SLIT3: variants seen among roughly 807,000 people sequenced by gnomAD.
The protein encoded by SLIT3 is slit homolog 3 protein.
A neutral mutation model predicts 184.0 loss-of-function variants in SLIT3; 68 were observed. The ratio of observed to expected loss-of-function variants is 0.37; its 90% CI spans 0.30 to 0.45. SLIT3 has a LOEUF of 0.45. SLIT3 is among the 20% of genes least tolerant of loss of function. SLIT3 has a pLI of 1.00. For synonymous variants in SLIT3, 831 were observed against 828.6 expected (o/e 1.00, Z -0.05); for missense variants, 1,707 against 2,026.0 (o/e 0.84, Z 3.02).
intron 20 of SLIT3, among the ~76,000 whole-genome samples, chr5:168,738,650 A>G (rs1048635185): frequency 1.3e-5 from 2 of 152,136 alleles, no homozygotes; most frequent in African/African-American, 4.8e-5. Flanking sequence ...AAAAAAAGCA[A>G]CTCACAGGCT....
intron 4 of SLIT3, among the ~76,000 whole-genome samples, chr5:169,168,836 G>C: frequency 6.7e-6 from 1 of 150,010 alleles, no homozygotes; most frequent in South Asian, 2.1e-4. Context: ...GGGAAATGGG[G>C]GCAAATTGGG....
chr5:169,249,253 T>C (rs1765695305), intron 2 of SLIT3, among the ~76,000 whole-genome samples: 1 of 152,052 alleles, frequency 6.6e-6, no homozygotes, highest in African/African-American at 2.4e-5. Context: ...TGTCTTTGAG[T>C]TGATAAGGAA....
intron 14 of SLIT3, among the ~76,000 whole-genome samples, chr5:168,771,372 T>G (rs888715529): frequency 6.6e-6 from 1 of 152,134 alleles, no homozygotes; most frequent in Non-Finnish European, 1.5e-5. Context: ...CAAATATTCC[T>G]TCTCTCCCAG....
intron 4 of SLIT3, among the ~76,000 whole-genome samples, chr5:168,932,347 GACACACAC>G (rs375350401): frequency 0.037 from 4,908 of 131,110 alleles, 142 homozygotes; most frequent in African/African-American, 0.083. Context: ...AGGGGAAAAA[GACACACAC>G]ACACACACAC....
intron 23 of SLIT3, among the ~76,000 whole-genome samples, chr5:168,717,722 G>A (rs1476257637): frequency 1.3e-4 from 20 of 151,468 alleles, no homozygotes; most frequent in Admixed American, 4.6e-4. Context: ...GTGCAGTGGC[G>A]TGATCTCTGC....
At chr5:169,049,255 A>G (rs1402307827) in intron 4 of SLIT3, among the ~76,000 whole-genome samples, 1 of 152,190 alleles carries the variant, frequency 6.6e-6, no homozygotes, top group African/African-American at 2.4e-5. Flanking sequence ...ATTTTTCTGT[A>G]TGCTACATCT....
chr5:169,017,299 C>A (rs1486385763), intron 4 of SLIT3, among the ~76,000 whole-genome samples: 1 of 152,230 alleles, frequency 6.6e-6, no homozygotes, highest in Non-Finnish European at 1.5e-5. Context: ...GACTTCCCCA[C>A]CTATCCCCAC....
intron 24 of SLIT3, among the ~76,000 whole-genome samples, 198 bp from the exon 25 acceptor site, chr5:168,711,256 C>G (rs1762550720): frequency 6.6e-6 from 1 of 152,172 alleles, no homozygotes; most frequent in Non-Finnish European, 1.5e-5. Context: ...AGTTTCAACT[C>G]CCATCCCAGC....
Position 168,667,053 on chromosome 5 carries a change from T to C in SLIT3, c.4337-364A>G, listed in dbSNP as rs578194408. Among the ~76,000 whole-genome samples the C allele has an allele frequency of 4.6e-5, 7 of 152,268 alleles. No individual in the cohort carries two copies. In the South Asian group the frequency reaches 1.2e-3, roughly 27 times the overall value. ...GGATCACCCTACATGTGCCTAAAAA[T>C]TAATTAAATGTCAACATTCAAAAAG... On this transcript the variant is annotated intron_variant, in intron 35 of 35. Transcript: ENST00000519560.
At chr5:169,257,125 G>T (rs574272864) in intron 1 of SLIT3, among the ~76,000 whole-genome samples, 20 of 152,238 alleles carry the variant, frequency 1.3e-4, no homozygotes, top group African/African-American at 4.1e-4. Flanking sequence ...AGCTTTCTTT[G>T]CATGTATGTG....
At chr5:168,956,283 C>G (rs1650403726) in intron 4 of SLIT3, among the ~76,000 whole-genome samples, 1 of 152,090 alleles carries the variant, frequency 6.6e-6, no homozygotes, top group South Asian at 2.1e-4. Context: ...GCATAAAAGG[C>G]CAGTAGCATC....
chr5:168,979,113 GGCTC>G (rs1410032736), intron 4 of SLIT3, among the ~76,000 whole-genome samples: 1 of 152,196 alleles, frequency 6.6e-6, no homozygotes, highest in East Asian at 1.9e-4. Flanking sequence ...CCTCACTCCA[GGCTC>G]ATCCTGGGAA....
intron 19 of SLIT3, 49 bp from the exon 20 acceptor site, chr5:168,748,483 T>C: frequency 6.7e-7 from 1 of 1,487,188 alleles, no homozygotes; most frequent in Non-Finnish European, 8.8e-7. Flanking sequence ...TAAGCCCCAC[T>C]AGGGGGAGCC....
intron 2 of SLIT3, among the ~76,000 whole-genome samples, chr5:169,247,212 T>C (rs1484915949): frequency 8.2e-6 from 1 of 122,666 alleles, no homozygotes; most frequent in Non-Finnish European, 1.7e-5. Flanking sequence ...CAAGACTCTG[T>C]CTCAAAAAAA....
At chr5:168,858,297 C>G (rs1250173789) in intron 5 of SLIT3, among the ~76,000 whole-genome samples, 1 of 152,132 alleles carries the variant, frequency 6.6e-6, no homozygotes, top group Non-Finnish European at 1.5e-5. Context: ...TAGGACTTTC[C>G]CCAACATTCT....
intron 10 of SLIT3, among the ~76,000 whole-genome samples, chr5:168,793,237 C>A (rs1282971386): frequency 6.6e-6 from 1 of 152,118 alleles, no homozygotes; most frequent in Non-Finnish European, 1.5e-5. Flanking sequence ...TTCTCTCCCC[C>A]CTCCCCTTTT....
At chr5:168,907,979 T>TATATATATAAAGAGAGAGAGAGAG (rs376418381) in intron 4 of SLIT3, among the ~76,000 whole-genome samples, 1 of 50,088 alleles carries the variant, frequency 2.0e-5, no homozygotes, top group African/African-American at 1.3e-4. Context: ...TATATATATA[T>TATATATATAAAGAGAGAGAGAGAG]AGAGAGAGAG....
chr5:168,776,392 C>A (rs1755748533), intron 12 of SLIT3, among the ~76,000 whole-genome samples: 1 of 152,198 alleles, frequency 6.6e-6, no homozygotes, highest in Non-Finnish European at 1.5e-5. Flanking sequence ...AAAAAATGCT[C>A]ATACTGCTAG....
chr5:168,965,622 C>G (rs56728031), intron 4 of SLIT3, among the ~76,000 whole-genome samples: 6,073 of 152,300 alleles, frequency 0.04, 157 homozygotes, highest in Middle Eastern at 0.065. Context: ...TTCATGCCAA[C>G]AGCACTTTGA....
Sources: gnomAD v4.1 joint callset for allele counts (sites outside exome capture counted in the v4.1 genomes callset) on GRCh38, gnomAD v4.1.1 for gene constraint, MANE v1.5 for transcripts, NCBI Gene and HGNC (gene_info 2026-07-23, HGNC 2026-07-21) for gene names.